Variants in MYO18B observed in about 807,000 individuals in gnomAD.
MYO18B encodes the protein myosin XVIIIB, also known as unconventional myosin-XVIIIb.
Under a neutral mutation model 273.0 loss-of-function variants are expected in MYO18B, and 204 were observed. The observed-to-expected ratio is 0.75, with a 90% CI of 0.67 to 0.84. The LOEUF (loss-of-function observed/expected upper bound fraction) is 0.84, where lower values mean the gene tolerates loss of function less well. MYO18B is among the 40% of genes least tolerant of loss of function. MYO18B has a pLI of 0.00. For synonymous variants in MYO18B, 1,330 were observed against 1,305.7 expected, an observed-to-expected ratio of 1.02 and a Z score of -0.40; for missense variants, 3,212 against 3,287.6, an observed-to-expected ratio of 0.98 and a Z score of 0.56.
At chr22:26,022,141 G>A (rs1015987099) in intron 42 of MYO18B, among the ~76,000 whole-genome samples, 2 of 151,822 alleles carry the variant, frequency 1.3e-5, no homozygotes, top group Admixed American at 6.6e-5. Flanking sequence ...CCTTCTATAC[G>A]TCATCCCTCT....
chr22:25,999,618 T>TTCC (rs1198658073), intron 40 of MYO18B, among the ~76,000 whole-genome samples: 28 of 117,474 alleles, frequency 2.4e-4, no homozygotes, highest in African/African-American at 3.6e-4. Context: ...TCTCCTTCTC[T>TTCC]TCCTCCTCCT....
chr22:25,845,789 G>A (rs79166482), intron 18 of MYO18B, among the ~76,000 whole-genome samples: 1,570 of 152,316 alleles, frequency 0.01, 14 homozygotes, highest in Non-Finnish European at 0.016. Flanking sequence ...TACAGGTGTC[G>A]TAGCATTGCT....
chr22:25,917,914 G>T (rs1366708642), intron 33 of MYO18B, among the ~76,000 whole-genome samples: 1 of 152,116 alleles, frequency 6.6e-6, no homozygotes, highest in Non-Finnish European at 1.5e-5. Flanking sequence ...TCACAGTAAT[G>T]CTGTGGGATA....
At chr22:25,820,084 ACTGTCAT>A in intron 12 of MYO18B, among the ~76,000 whole-genome samples, 1 of 626 alleles carries the variant, frequency 1.6e-3, no homozygotes, top group African/African-American at 5.3e-3. Flanking sequence ...TATCATCATC[ACTGTCAT>A]CACCATCATC....
intron 39 of MYO18B, among the ~76,000 whole-genome samples, chr22:25,989,854 C>T (rs1034991892): frequency 2.7e-4 from 41 of 151,848 alleles, no homozygotes; most frequent in African/African-American, 9.4e-4. Flanking sequence ...TTTCTAGGTG[C>T]ATTTATGAGC....
intron 35 of MYO18B, among the ~76,000 whole-genome samples, chr22:25,946,966 A>C (rs961431249): frequency 6.6e-6 from 1 of 152,306 alleles, no homozygotes; most frequent in African/African-American, 2.4e-5. Flanking sequence ...CAAGTCCCCT[A>C]TCTGGGTGTA....
rs371467143 is a variant in MYO18B at position 25,947,810 on chromosome 22, C to T, written c.5730C>T (p.His1910=). 8 of 1,613,758 alleles carry T rather than the reference C, an allele frequency of 5.0e-6. No homozygotes were observed. The South Asian group carries it at 6.6e-5, about 13-fold the overall frequency. Reference sequence around the variant, plus strand: ...ACCTGAATGAGCTGATGCAGAAGCACAAGGACCTCATTGCTCAGGTAGTGA... The same window carrying T: ...ACCTGAATGAGCTGATGCAGAAGCATAAGGACCTCATTGCTCAGGTAGTGA... The part of the protein sequence containing the change: ...QDDLNELMQK[H]KDLIAQSAAD... The change falls in exon 36 of 44, where the codon CAC becomes CAT. Residue 1910 remains histidine, a synonymous_variant. Transcript: ENST00000335473.
chr22:25,897,950 C>T (rs1041046278), intron 28 of MYO18B: 7 of 201,702 alleles, frequency 3.5e-5, no homozygotes, highest in Non-Finnish European at 5.0e-5. Flanking sequence ...TCACATATCC[C>T]TTCTGATCAT....
intron 18 of MYO18B, 108 bp downstream of exon 18, chr22:25,844,002 A>G (rs917325262): frequency 2.0e-6 from 2 of 1,006,318 alleles, no homozygotes; most frequent in African/African-American, 3.2e-5. Flanking sequence ...GGGCCAGCCC[A>G]GGAATCCCAT....
intron 34 of MYO18B, among the ~76,000 whole-genome samples, chr22:25,942,049 G>T (rs1338889493): frequency 2.0e-5 from 3 of 152,186 alleles, no homozygotes; most frequent in Non-Finnish European, 4.4e-5. Flanking sequence ...TTTTCTCACT[G>T]CCAGACACTG....
chr22:25,919,185 T>C (rs1260681660), intron 33 of MYO18B, among the ~76,000 whole-genome samples: 2 of 152,196 alleles, frequency 1.3e-5, no homozygotes, highest in Non-Finnish European at 2.9e-5. Flanking sequence ...TAGGAGTAGC[T>C]ACCTCCTACT....
chr22:25,898,592 G>C, intron 29 of MYO18B, 131 bp downstream of exon 29: 2 of 922,204 alleles, frequency 2.2e-6, no homozygotes, highest in Middle Eastern at 3.5e-4. Flanking sequence ...CTTCCTCCCT[G>C]TCCCGTCACA....
chr22:25,930,506 T>A (rs1419225083), intron 34 of MYO18B, among the ~76,000 whole-genome samples: 3 of 144,856 alleles, frequency 2.1e-5, no homozygotes, highest in South Asian at 2.1e-4. Context: ...TATTACATCC[T>A]TTTTAATTTT....
intron 23 of MYO18B, among the ~76,000 whole-genome samples, chr22:25,875,456 A>G (rs1277804790): frequency 1.3e-5 from 2 of 152,198 alleles, no homozygotes; most frequent in Admixed American, 1.3e-4. Flanking sequence ...TGTGATGGTG[A>G]TGAGGGAAAA....
intron 12 of MYO18B, among the ~76,000 whole-genome samples, chr22:25,818,309 T>G (rs778305193): frequency 2.6e-5 from 4 of 152,220 alleles, no homozygotes; most frequent in Non-Finnish European, 4.4e-5. Context: ...TGGTTTTATC[T>G]TGTATCCCAT....
At chr22:25,961,980 C>G (rs968040124) in intron 39 of MYO18B, among the ~76,000 whole-genome samples, 2 of 152,192 alleles carry the variant, frequency 1.3e-5, no homozygotes, top group African/African-American at 4.8e-5. Context: ...CTCCCCTTCC[C>G]TTTGTGTCAT....
At chr22:25,780,522 G>A (rs911022710) in intron 9 of MYO18B, among the ~76,000 whole-genome samples, 2 of 138,340 alleles carry the variant, frequency 1.4e-5, no homozygotes, top group East Asian at 2.3e-4. Flanking sequence ...CCCAGGAGGC[G>A]GAGGTTGTAG....
In MYO18B at chr22:25,780,098, G is replaced by C; in HGVS notation, c.2111G>C (p.Gly704Ala). The change falls in exon 9 of 44, where the codon GGC becomes GCC. Residue 704 changes from glycine (G) to alanine (A), a missense_variant. Physicochemically the swap from Gly to Ala is moderately conservative, Grantham distance 60. Transcript: ENST00000335473. ...ACCTTCACTGTCCTCCGGGCCTTCG[G>C]CTCTGTGTCCATGGCCCACAGCCGC... ...RATFTVLRAF[G>A]SVSMAHSRSA... is the part of the protein sequence containing the mutation. 1 of 1,600,208 alleles carries C rather than the reference G, an allele frequency of 6.2e-7. No individual in the cohort carries two copies. The highest frequency in any genetic ancestry group is 8.5e-7 in the Non-Finnish European group (1 of 1,174,466).
At chr22:25,804,686 C>CA (rs1036273569) in intron 12 of MYO18B, among the ~76,000 whole-genome samples, 3 of 152,242 alleles carry the variant, frequency 2.0e-5, no homozygotes, top group African/African-American at 7.2e-5. Context: ...CTCAGGTGGA[C>CA]ACCCTCCATA....
Sources: gnomAD v4.1 joint callset for allele counts (sites outside exome capture counted in the v4.1 genomes callset) on GRCh38, gnomAD v4.1.1 for gene constraint, MANE v1.5 for transcripts, NCBI Gene and HGNC (gene_info 2026-07-23, HGNC 2026-07-21) for gene names.